Variants in IMMP2L observed in about 807,000 individuals in gnomAD.
IMMP2L encodes inner mitochondrial membrane peptidase subunit 2.
Under a neutral mutation model 19.3 loss-of-function variants are expected in IMMP2L, and 18 were observed. That is an observed-to-expected ratio of 0.93 (90% CI 0.64 to 1.38). The LOEUF is 1.38. IMMP2L is among the 40% of genes most tolerant of loss of function. IMMP2L has a pLI of 0.00. For missense variants in IMMP2L, 233 were observed against 218.2 expected (o/e 1.07, Z -0.43); for synonymous variants, 76 against 73.0 (o/e 1.04, Z -0.21).
At chr7:111,045,372 G>C (rs892134265) in intron 3 of IMMP2L, among the ~76,000 whole-genome samples, 2 of 152,054 alleles carry the variant, frequency 1.3e-5, no homozygotes, top group African/African-American at 4.8e-5. Context: ...TTCTCATCTG[G>C]ATTCTTCCAA....
rs189131262 is a variant in IMMP2L, at chr7:111,114,108, C to G, written c.240-150543G>C. On this transcript the variant is annotated intron_variant, in intron 3 of 5. Coordinates refer to ENST00000405709, the MANE Select transcript of IMMP2L (RefSeq NM_032549.4). ...AATTTTCTGAACAGAACTGAAGTCT[C>G]TCAACATACACATACACATAAATCT... 1.8e-3 allele frequency among the ~76,000 whole-genome samples: 270 copies of G among 151,434 alleles called. 1 individual carries two copies. Among genetic ancestry groups the G allele is most frequent in the African/African-American group, 6.4e-3 (265 of 41,112 alleles).
At chr7:110,902,237 G>A (rs1428892438) in intron 4 of IMMP2L, among the ~76,000 whole-genome samples, 1 of 151,420 alleles carries the variant, frequency 6.6e-6, no homozygotes, top group African/African-American at 2.4e-5. Context: ...TGTGATAAAT[G>A]GTAGATTCAA....
intron 3 of IMMP2L, among the ~76,000 whole-genome samples, chr7:111,163,061 C>T (rs965272527): frequency 6.6e-6 from 1 of 151,948 alleles, no homozygotes; most frequent in African/African-American, 2.4e-5. Context: ...ATTATAAATG[C>T]TTTTTTGCCC....
At chr7:111,079,661 A>C (rs2129576265) in intron 3 of IMMP2L, among the ~76,000 whole-genome samples, 1 of 152,322 alleles carries the variant, frequency 6.6e-6, no homozygotes, top group South Asian at 2.1e-4. Context: ...TCCTAACTTT[A>C]TGATTATACA....
chr7:111,202,814 G>A (rs1437036382), intron 3 of IMMP2L, among the ~76,000 whole-genome samples: 1 of 151,998 alleles, frequency 6.6e-6, no homozygotes, highest in Non-Finnish European at 1.5e-5. Context: ...GAGTGTGAAG[G>A]GGATGTTAGG....
At chr7:111,420,060 C>T (rs1835338927) in intron 3 of IMMP2L, among the ~76,000 whole-genome samples, 1 of 151,740 alleles carries the variant, frequency 6.6e-6, no homozygotes, top group Admixed American at 6.6e-5. Flanking sequence ...GAACTGTACA[C>T]TTAAAGATGG....
intron 3 of IMMP2L, among the ~76,000 whole-genome samples, chr7:111,212,713 A>C (rs2129618792): frequency 6.6e-6 from 1 of 152,342 alleles, no homozygotes; most frequent in African/African-American, 2.4e-5. Context: ...AATGATGTTA[A>C]AAACTCAATT....
intron 3 of IMMP2L, among the ~76,000 whole-genome samples, chr7:111,451,209 G>C (rs963699968): frequency 7.1e-6 from 1 of 141,792 alleles, no homozygotes; most frequent in Non-Finnish European, 1.5e-5. Flanking sequence ...CCCATTACTG[G>C]GTATATACCC....
At chr7:111,485,304 AAAAACACAGT>A (rs1842536998) in intron 3 of IMMP2L, among the ~76,000 whole-genome samples, 2 of 152,122 alleles carry the variant, frequency 1.3e-5, no homozygotes, top group African/African-American at 4.8e-5. Context: ...CTGAGTCATT[AAAAACACAGT>A]TCAGGCCGGG....
chr7:111,153,473 T>C (rs1391817907), intron 3 of IMMP2L, among the ~76,000 whole-genome samples: 1 of 152,046 alleles, frequency 6.6e-6, no homozygotes, highest in Non-Finnish European at 1.5e-5. Context: ...TTAAAGGATG[T>C]TTTGATTTAC....
intron 3 of IMMP2L, among the ~76,000 whole-genome samples, chr7:111,147,260 T>C (rs2107149): frequency 1.3e-5 from 2 of 152,136 alleles, no homozygotes; most frequent in South Asian, 2.1e-4. Context: ...TTCAGTCCTA[T>C]ACATTCACTG....
At chr7:110,734,397 A>C (rs529421794) in intron 5 of IMMP2L, among the ~76,000 whole-genome samples, 1 of 152,362 alleles carries the variant, frequency 6.6e-6, no homozygotes, top group Non-Finnish European at 1.5e-5. Flanking sequence ...CATTCAAGTA[A>C]GAACTTAACA....
intron 3 of IMMP2L, among the ~76,000 whole-genome samples, chr7:111,177,324 T>C (rs951278599): frequency 6.6e-6 from 1 of 151,994 alleles, no homozygotes; most frequent in Non-Finnish European, 1.5e-5. Flanking sequence ...AGACCAGAGA[T>C]GCATACTACA....
rs557502007 is a variant in IMMP2L, at chr7:110,860,650, T to C, written c.408+25943A>G. The stretch of plus-strand genomic sequence containing the variant: ...TCTACAAAATTGGAGAACAATAATG[T>C]ATACCGCACTGATGCTGCAACTATA... On this transcript the variant is annotated intron_variant, in intron 5 of 5. Coordinates refer to ENST00000405709, the MANE Select transcript of IMMP2L (RefSeq NM_032549.4). Among the ~76,000 whole-genome samples the C allele has an allele frequency of 2.6e-5, 4 of 152,206 alleles. No homozygotes were observed. The East Asian group carries it at 7.7e-4, about 29-fold the overall frequency.
intron 1 of IMMP2L, among the ~76,000 whole-genome samples, chr7:111,550,759 T>C (rs1050784034): frequency 6.6e-6 from 1 of 152,156 alleles, no homozygotes; most frequent in Non-Finnish European, 1.5e-5. Flanking sequence ...AGCTCTTATT[T>C]ACACACACAT....
Position 111,187,767 on chromosome 7 carries a change from T to C in IMMP2L, c.240-224202A>G, listed in dbSNP as rs375220500. On this transcript the variant is annotated intron_variant, in intron 3 of 5. Transcript: ENST00000405709. The stretch of plus-strand genomic sequence containing the variant: ...CTAGACAAAGTGCACACAGGTTATT[T>C]ACAGAGGAAACTGAAGCACAGAGAC... 5.8e-4 allele frequency among the ~76,000 whole-genome samples: 89 copies of C among 152,264 alleles called. 3 individuals are homozygous for C. In the South Asian group the frequency reaches 0.018, roughly 31 times the overall value.
At chr7:110,982,966 A>G (rs1028678748) in intron 3 of IMMP2L, among the ~76,000 whole-genome samples, 1 of 151,988 alleles carries the variant, frequency 6.6e-6, no homozygotes, top group African/African-American at 2.4e-5. Context: ...ATTAATTATA[A>G]CCCCCTTAAT....
At chr7:111,073,822 T>C (rs1296874592) in intron 3 of IMMP2L, among the ~76,000 whole-genome samples, 2 of 152,242 alleles carry the variant, frequency 1.3e-5, no homozygotes, top group African/African-American at 4.8e-5. Context: ...TTATTTCTAA[T>C]GGTCTGTACA....
intron 5 of IMMP2L, among the ~76,000 whole-genome samples, chr7:110,847,179 A>G (rs1440114099): frequency 1.3e-5 from 2 of 152,218 alleles, no homozygotes; most frequent in Non-Finnish European, 2.9e-5. Flanking sequence ...CAAGCTAGAC[A>G]TATTCTAATA....
Sources: allele counts gnomAD v4.1 joint callset (sites outside exome capture counted in the v4.1 genomes callset), GRCh38; gene constraint gnomAD v4.1.1; transcripts MANE v1.5; gene names NCBI Gene and HGNC (gene_info 2026-07-23, HGNC 2026-07-21).